The following USP39 variants were observed in gnomAD, a reference collection of about 807,000 sequenced individuals.
USP39 encodes ubiquitin carboxyl-terminal hydrolase 39.
USP39 carries 38 observed loss-of-function variants against 66.4 expected under a neutral mutation model. The ratio of observed to expected loss-of-function variants is 0.57; its 90% CI spans 0.44 to 0.75. USP39 has a LOEUF of 0.75. Among genes scored for constraint, USP39 ranks in the 30% least tolerant of loss-of-function variants. The probability of loss-of-function intolerance (pLI) is 0.00; values close to 1 mark genes in which losing one functional copy is unlikely to be tolerated. For synonymous variants in USP39, 303 were observed against 274.6 expected, an observed-to-expected ratio of 1.10 and a Z score of -1.02; for missense variants, 608 against 714.4, an observed-to-expected ratio of 0.85 and a Z score of 1.70.
chr2:85,634,452 T>C (rs1271269624), intron 6 of USP39, among the ~76,000 whole-genome samples: 1 of 152,152 alleles, frequency 6.6e-6, no homozygotes, highest in Non-Finnish European at 1.5e-5. Context: ...CACACGCCTG[T>C]AGTCCCAGCT....
chr2:85,645,164 A>G (rs1676546266), intron 11 of USP39, 81 bp downstream of exon 11: 1 of 1,586,964 alleles, frequency 6.3e-7, no homozygotes, highest in Non-Finnish European at 8.6e-7. Context: ...AGCTCCCTTC[A>G]GTGTGTCCTT....
upstream of USP39, chr2:85,611,199 G>C (rs983494007): frequency 8.7e-7 from 1 of 1,144,010 alleles, no homozygotes; most frequent in Admixed American, 4.4e-5. Flanking sequence ...CAGAGACCTA[G>C]TCTCAAAAAT....
chr2:85,609,217 TC>T (rs1673346795), upstream of USP39: 1 of 1,292,640 alleles, frequency 7.7e-7, no homozygotes, highest in Non-Finnish European at 1.1e-6. Context: ...TAATAGTGAT[TC>T]TCCACTGGGG....
chr2:85,647,160 A>G (rs1676706934), intron 11 of USP39, among the ~76,000 whole-genome samples: 1 of 152,058 alleles, frequency 6.6e-6, no homozygotes, highest in Non-Finnish European at 1.5e-5. Flanking sequence ...AAATGCTGGG[A>G]TTACAGGCGT....
intron 1 of USP39, among the ~76,000 whole-genome samples, chr2:85,603,453 AAG>A (rs140132340): frequency 0.01 from 1,547 of 152,310 alleles, 28 homozygotes; most frequent in African/African-American, 0.035. Flanking sequence ...TTGGTAAGCA[AAG>A]AGGGGAAGGT....
At chr2:85,613,344 TA>T (rs932680471), upstream of USP39, among the ~76,000 whole-genome samples, 2 of 150,738 alleles carry the variant, frequency 1.3e-5, no homozygotes, top group African/African-American at 2.4e-5. Flanking sequence ...CCGTCTCTAC[TA>T]AAAAAAAATA....
At chr2:85,642,039 A>G (rs1324224398) in intron 10 of USP39, among the ~76,000 whole-genome samples, 2 of 151,918 alleles carry the variant, frequency 1.3e-5, no homozygotes, top group Admixed American at 6.6e-5. Context: ...GTGGGACCTC[A>G]GACCCATAGT....
upstream of USP39, chr2:85,611,286 G>A (rs1673504395): frequency 2.1e-6 from 3 of 1,419,354 alleles, no homozygotes; most frequent in South Asian, 3.1e-5. Flanking sequence ...GTGATCTCTA[G>A]GTAGCAGAGA....
At chr2:85,622,229 C>G (rs999242334) in intron 3 of USP39, among the ~76,000 whole-genome samples, 7 of 151,470 alleles carry the variant, frequency 4.6e-5, no homozygotes, top group Non-Finnish European at 1.5e-5. Context: ...TCAAGTGATT[C>G]TCCTGCCTCA....
chr2:85,632,045 G>C (rs1184178540), intron 6 of USP39, among the ~76,000 whole-genome samples: 1 of 152,068 alleles, frequency 6.6e-6, no homozygotes, highest in Non-Finnish European at 1.5e-5. Context: ...CCCGGCCTCT[G>C]ATGAACTATT....
intron 8 of USP39, among the ~76,000 whole-genome samples, chr2:85,638,441 C>T (rs1675961489): frequency 6.6e-6 from 1 of 152,072 alleles, no homozygotes; most frequent in East Asian, 1.9e-4. Flanking sequence ...TGAAGTGATC[C>T]TCCCACCTCA....
At chr2:85,605,000 A>G (rs1673165685) in intron 1 of USP39, among the ~76,000 whole-genome samples, 1 of 152,246 alleles carries the variant, frequency 6.6e-6, no homozygotes, top group Non-Finnish European at 1.5e-5. Context: ...AGGGCTCTTC[A>G]TAGGTAGTTG....
chr2:85,620,450 G>A lies in USP39; in HGVS notation c.339-1035G>A, dbSNP rs753468523. Among the ~76,000 whole-genome samples the A allele has an allele frequency of 2.0e-5, 3 of 151,426 alleles. No homozygotes were observed. In the East Asian group the frequency reaches 5.8e-4, roughly 29 times the overall value. On this transcript the variant is annotated intron_variant, in intron 2 of 12. Coordinates refer to ENST00000323701, the MANE Select transcript of USP39 (RefSeq NM_006590.4). The stretch of plus-strand genomic sequence containing the variant: ...GCTGAGATTGCGCCACTGTACTCCA[G>A]CCTGGATGACAAAGTGAGACCCTAT...
chr2:85,619,814 G>A (rs1573396493), intron 2 of USP39, among the ~76,000 whole-genome samples: 1 of 152,022 alleles, frequency 6.6e-6, no homozygotes, highest in East Asian at 1.9e-4. Context: ...AGGATCCCTT[G>A]AGGCCAGAAA....
At chr2:85,606,859 GCAACCTCCGC>G (rs1346478339) in intron 1 of USP39, 1 of 149,320 alleles carries the variant, frequency 6.7e-6, no homozygotes, top group Non-Finnish European at 1.5e-5. Context: ...TCGGCTCACT[GCAACCTCCGC>G]CTTCCAGGTT....
intron 7 of USP39, among the ~76,000 whole-genome samples, chr2:85,636,595 C>G (rs1456102730): frequency 6.6e-6 from 1 of 152,082 alleles, no homozygotes; most frequent in East Asian, 1.9e-4. Context: ...CCTCCATCTC[C>G]CAGGTTCAAG....
chr2:85,607,492 C>G (rs1474436887), upstream of USP39: 1 of 152,210 alleles, frequency 6.6e-6, no homozygotes, highest in African/African-American at 2.4e-5. Context: ...CATTCTGGTC[C>G]CTGGCCGCTT....
chr2:85,609,670 G>T, upstream of USP39: 1 of 1,521,820 alleles, frequency 6.6e-7, no homozygotes, highest in Non-Finnish European at 8.9e-7. Flanking sequence ...GAAAATATAC[G>T]GTTAGGAAAG....
rs778383068 is a variant in USP39 at position 85,623,354 on chromosome 2, G to GAT, written c.434-282_434-281dup. Among the ~76,000 whole-genome samples, 8 of 148,784 alleles carry GAT rather than the reference G, an allele frequency of 5.4e-5. No homozygotes were observed. In the South Asian group the frequency reaches 8.4e-4, roughly 16 times the overall value. ...TATATAGTTATATGTATTATATATA[G>GAT]ATATATATATAGGTTATATATATTT... On this transcript the variant is annotated intron_variant, in intron 3 of 12. Coordinates refer to ENST00000323701, the MANE Select transcript of USP39 (RefSeq NM_006590.4).
Sources: gnomAD v4.1 joint callset for allele counts (sites outside exome capture counted in the v4.1 genomes callset) on GRCh38, gnomAD v4.1.1 for gene constraint, MANE v1.5 for transcripts, NCBI Gene and HGNC (gene_info 2026-07-23, HGNC 2026-07-21) for gene names.